POMP: variants seen among roughly 807,000 people sequenced by gnomAD.
POMP encodes the protein proteasome maturation protein.
POMP carries 12 observed loss-of-function variants against 20.6 expected under a neutral mutation model. The observed-to-expected ratio is 0.58, with a 90% CI of 0.37 to 0.94. POMP has a LOEUF of 0.94. Among genes scored for constraint, POMP ranks in the 40% least tolerant of loss-of-function variants. The probability of loss-of-function intolerance (pLI) is 0.01; values close to 1 mark genes in which losing one functional copy is unlikely to be tolerated. For synonymous variants in POMP, 53 were observed against 55.0 expected, an observed-to-expected ratio of 0.96 and a Z score of 0.16; for missense variants, 136 against 161.1, an observed-to-expected ratio of 0.84 and a Z score of 0.84.
chr13:28,661,601 T>G (rs779535868), intron 1 of POMP, among the ~76,000 whole-genome samples: 9 of 152,250 alleles, frequency 5.9e-5, no homozygotes, highest in Non-Finnish European at 1.2e-4. Flanking sequence ...GCAGAGTACC[T>G]GACACATAGT....
At chr13:28,660,812 A>C (rs1884326103) in intron 1 of POMP, among the ~76,000 whole-genome samples, 1 of 152,154 alleles carries the variant, frequency 6.6e-6, no homozygotes, top group Non-Finnish European at 1.5e-5. Context: ...ACATCGATGA[A>C]CCAACAAAGA....
At chr13:28,666,488 G>C (rs981129314) in intron 3 of POMP, among the ~76,000 whole-genome samples, 1 of 152,122 alleles carries the variant, frequency 6.6e-6, no homozygotes, top group African/African-American at 2.4e-5. Flanking sequence ...AAACTTCAGA[G>C]ATCTTTTTGA....
At chr13:28,666,430 G>A (rs1457067202) in intron 3 of POMP, among the ~76,000 whole-genome samples, 1 of 152,230 alleles carries the variant, frequency 6.6e-6, no homozygotes, top group East Asian at 1.9e-4. Flanking sequence ...CATATTAAGA[G>A]AAACTGACAA....
At chr13:28,674,120 ACT>A (rs1884592768) in intron 5 of POMP, among the ~76,000 whole-genome samples, 1 of 152,154 alleles carries the variant, frequency 6.6e-6, no homozygotes, top group African/African-American at 2.4e-5. Context: ...CAGCTGAAGA[ACT>A]CTGAACGGTT....
rs1360583229 is a variant in POMP, at chr13:28,659,190, G to T, written c.3+3G>T. ...TGTTCGCAGAGCTGCGGAAGATGGTGAGTGGGTACCCGGGCGGCTGGAGTT... is the reference window on the plus strand; with the variant it reads ...TGTTCGCAGAGCTGCGGAAGATGGTTAGTGGGTACCCGGGCGGCTGGAGTT... On this transcript the variant is annotated splice_donor_region_variant and intron_variant, in intron 1 of 5. Transcript: ENST00000380842. The T allele has an allele frequency of 1.3e-6, 2 of 1,590,530 alleles. No homozygotes were observed. The highest frequency in any genetic ancestry group is 1.8e-5 in the Admixed American group (1 of 56,802).
At chr13:28,671,154 G>A (rs1426343544) in intron 4 of POMP, among the ~76,000 whole-genome samples, 1 of 152,168 alleles carries the variant, frequency 6.6e-6, no homozygotes, top group Non-Finnish European at 1.5e-5. Flanking sequence ...TAAAAAACAT[G>A]GTTTTGAGTA....
rs772572905 is a variant in POMP, at chr13:28,659,165, T to C, written c.-20T>C. 1.3e-6 allele frequency: 2 copies of C among 1,584,580 alleles called. No homozygotes were observed. The highest frequency in any genetic ancestry group is 1.1e-5 in the South Asian group (1 of 87,144). On this transcript the variant is annotated 5_prime_UTR_variant, in exon 1 of 6. Coordinates refer to ENST00000380842, the MANE Select transcript of POMP (RefSeq NM_015932.6). ...ACTGACGGTAACGGGGCAGAGAGGC[T>C]GTTCGCAGAGCTGCGGAAGATGGTG...
chr13:28,673,287 T>A (rs892398193), intron 5 of POMP, among the ~76,000 whole-genome samples: 2 of 152,176 alleles, frequency 1.3e-5, no homozygotes, highest in Admixed American at 6.5e-5. Context: ...GCCAGGCTGG[T>A]CTCGAACTCC....
chr13:28,672,997 T>C (rs1172923520), intron 5 of POMP, among the ~76,000 whole-genome samples: 2 of 152,140 alleles, frequency 1.3e-5, no homozygotes, highest in African/African-American at 4.8e-5. Flanking sequence ...AATAAATCTT[T>C]CTTTAAAAAG....
chr13:28,675,824 G>A (rs1383690323), intron 5 of POMP, among the ~76,000 whole-genome samples: 1 of 152,106 alleles, frequency 6.6e-6, no homozygotes, highest in Non-Finnish European at 1.5e-5. Context: ...GACAAAGGGG[G>A]GCCAGTGAAT....
At chr13:28,659,325 T>A in intron 1 of POMP, 138 bp downstream of exon 1, 1 of 1,406,370 alleles carries the variant, frequency 7.1e-7, no homozygotes, top group Non-Finnish European at 9.7e-7. Context: ...TCAGGCGCCA[T>A]AATCTGTCGA....
intron 4 of POMP, among the ~76,000 whole-genome samples, chr13:28,668,889 T>C (rs1626099): frequency 6.6e-6 from 1 of 152,206 alleles, no homozygotes; most frequent in Non-Finnish European, 1.5e-5. Flanking sequence ...GTATACAATT[T>C]GTATATAGTT....
chr13:28,677,907 C>A, intron 5 of POMP, 128 bp from the exon 6 acceptor site: 1 of 909,182 alleles, frequency 1.1e-6, no homozygotes, highest in Non-Finnish European at 1.7e-6. Flanking sequence ...CAGCCCCAGG[C>A]AATCACTGGT....
chr13:28,667,279 C>T (rs7988846), intron 3 of POMP, among the ~76,000 whole-genome samples: 35,025 of 151,920 alleles, frequency 0.23, 4,513 homozygotes, highest in African/African-American at 0.32. Flanking sequence ...GTAGTCCCAG[C>T]GGCGTGGGAG....
chr13:28,661,621 A>G (rs1305545379), intron 1 of POMP, among the ~76,000 whole-genome samples: 3 of 152,240 alleles, frequency 2.0e-5, no homozygotes, highest in Non-Finnish European at 2.9e-5. Context: ...TAGATGGCTA[A>G]TAAGTATCTG....
chr13:28,678,344 AG>A lies in POMP; in HGVS notation c.*243del. 1 of 473,922 alleles carries A rather than the reference AG, an allele frequency of 2.1e-6. No homozygotes were observed. The allele number at this position is 473,922 out of a possible 1,614,324, so 29.4% of individuals were successfully genotyped here. A position where few individuals can be genotyped will look rare whatever the true frequency, so the allele number is the denominator to read the frequency against. ...AAACAGTAGCCTTTGTCTTTAAAAAAGTTGTTGCTCATGAATATTATAAAAT... is the reference window on the plus strand; with the variant it reads ...AAACAGTAGCCTTTGTCTTTAAAAAATTGTTGCTCATGAATATTATAAAAT... On this transcript the variant is annotated 3_prime_UTR_variant, in exon 6 of 6. Transcript: ENST00000380842.
chr13:28,673,400 T>A (rs988805142), intron 5 of POMP, among the ~76,000 whole-genome samples: 1 of 152,228 alleles, frequency 6.6e-6, no homozygotes, highest in African/African-American at 2.4e-5. Context: ...ATTCCCTGAA[T>A]AATTGTAAAT....
At chr13:28,676,092 C>A (rs892285654) in intron 5 of POMP, among the ~76,000 whole-genome samples, 1 of 152,058 alleles carries the variant, frequency 6.6e-6, no homozygotes, top group Non-Finnish European at 1.5e-5. Flanking sequence ...GCAAGCTCTG[C>A]CTCCCGGGTT....
intron 3 of POMP, 132 bp from the exon 4 acceptor site, chr13:28,668,341 A>ATACT: frequency 1.5e-6 from 1 of 665,704 alleles, no homozygotes; most frequent in South Asian, 1.8e-5. Flanking sequence ...ATTAGTAAAA[A>ATACT]TACTTAGTTT....
Sources: allele counts gnomAD v4.1 joint callset (sites outside exome capture counted in the v4.1 genomes callset), GRCh38; gene constraint gnomAD v4.1.1; transcripts MANE v1.5; gene names NCBI Gene and HGNC (gene_info 2026-07-23, HGNC 2026-07-21).